ETV6: variants seen among roughly 807,000 people sequenced by gnomAD.
ETV6 encodes ETS variant transcription factor 6.
In ETV6, 16 loss-of-function variants were observed where a neutral mutation model predicts 51.1. The observed-to-expected ratio is 0.31, with a 90% CI of 0.21 to 0.48. ETV6 has a LOEUF of 0.48. Ranked by LOEUF, ETV6 falls within the 20% of genes least tolerant of loss-of-function variation. The pLI, the probability that ETV6 is intolerant of heterozygous loss-of-function variation, is 0.99. For missense variants in ETV6, 458 were observed against 594.8 expected (o/e 0.77, Z 2.39); for synonymous variants, 240 against 224.1 (o/e 1.07, Z -0.64).
intron 2 of ETV6, among the ~76,000 whole-genome samples, chr12:11,777,555 A>G (rs968081053): frequency 1.3e-5 from 2 of 152,002 alleles, no homozygotes; most frequent in Non-Finnish European, 1.5e-5. Flanking sequence ...TATTGTGTCA[A>G]AATGCAAATC....
At chr12:11,721,190 A>T (rs1240590125) in intron 1 of ETV6, among the ~76,000 whole-genome samples, 1 of 152,098 alleles carries the variant, frequency 6.6e-6, no homozygotes, top group Admixed American at 6.5e-5. Context: ...GCTACCATTC[A>T]GCCCATAAAT....
At chr12:11,844,821 A>G (rs1435368659) in intron 3 of ETV6, among the ~76,000 whole-genome samples, 1 of 151,236 alleles carries the variant, frequency 6.6e-6, no homozygotes, top group Non-Finnish European at 1.5e-5. Flanking sequence ...CTTACGTGAA[A>G]GTCATTTTAT....
chr12:11,847,989 A>G (rs990824072), intron 3 of ETV6, among the ~76,000 whole-genome samples: 2 of 152,170 alleles, frequency 1.3e-5, no homozygotes, highest in African/African-American at 4.8e-5. Flanking sequence ...TCAACTGGGG[A>G]AAAAAATTCC....
At chr12:11,792,969 A>G (rs1945624545) in intron 2 of ETV6, among the ~76,000 whole-genome samples, 1 of 152,218 alleles carries the variant, frequency 6.6e-6, no homozygotes, top group Middle Eastern at 3.4e-3. Flanking sequence ...TTAGGGGGCT[A>G]CGGGAGGGGT....
intron 1 of ETV6, among the ~76,000 whole-genome samples, chr12:11,674,886 C>T (rs1160866754): frequency 6.6e-6 from 1 of 152,082 alleles, no homozygotes. Context: ...TCCCCGCTTC[C>T]CTAAGGATGA....
chr12:11,668,143 CT>C (rs1412213339), intron 1 of ETV6, among the ~76,000 whole-genome samples: 1 of 147,294 alleles, frequency 6.8e-6, no homozygotes, highest in Non-Finnish European at 1.5e-5. Flanking sequence ...TGAGAACAGA[CT>C]TTTGAACTAC....
chr12:11,704,106 G>A (rs535485466), intron 1 of ETV6, among the ~76,000 whole-genome samples: 5 of 152,154 alleles, frequency 3.3e-5, no homozygotes, highest in East Asian at 1.9e-4. Flanking sequence ...TCATTATTTC[G>A]TCTGTCTCAC....
rs58797937 is a variant in ETV6 at position 11,735,086 on chromosome 12, C to CTTTTTT, written c.34-17343_34-17338dup. ...AAAGGTGCAAAGGTGGCAAGGTGGC[C>CTTTTTT]TTTTTTTTTTTTTTTTTTTTTTTTT... On this transcript the variant is annotated intron_variant, in intron 1 of 7. Coordinates refer to ENST00000396373, the MANE Select transcript of ETV6 (RefSeq NM_001987.5). Among the ~76,000 whole-genome samples, 38 of 76,236 alleles carry CTTTTTT rather than the reference C, an allele frequency of 5.0e-4. 6 individuals are homozygous for CTTTTTT. Among genetic ancestry groups the CTTTTTT allele is most frequent in the African/African-American group, 1.7e-3 (31 of 17,736 alleles). 50.0% of individuals were successfully genotyped at this position (76,236 alleles called of 152,430 possible).
Position 11,853,560 on chromosome 12 carries a change from A to AGGT in ETV6, c.463_463+2dup. ...TCATACTGCATCAGAACCATGAAGA[A>AGGT]GGTACTGGAAGAGGTTTCTCTTTTC... On this transcript the variant is annotated inframe_insertion and splice_region_variant, in exon 4 of 8. Transcript: ENST00000396373. 1 of 1,614,154 alleles carries AGGT rather than the reference A, an allele frequency of 6.2e-7. No homozygotes were observed. The highest frequency in any genetic ancestry group is 8.5e-7 in the Non-Finnish European group (1 of 1,180,008).
chr12:11,887,136 A>G, intron 7 of ETV6, among the ~76,000 whole-genome samples: 1 of 152,208 alleles, frequency 6.6e-6, no homozygotes, highest in East Asian at 1.9e-4. Context: ...AAAGGGAAAC[A>G]GAATAGAAGG....
At chr12:11,748,144 A>G (rs948268550) in intron 1 of ETV6, among the ~76,000 whole-genome samples, 1 of 152,208 alleles carries the variant, frequency 6.6e-6, no homozygotes, top group Non-Finnish European at 1.5e-5. Context: ...CTTCACAGTG[A>G]TGGGACACCG....
At position 11,843,745 on chromosome 12, in the gene ETV6, C is replaced by T. The variant is rs142545453; in HGVS notation, c.328+4441C>T. ...TCTTTGACCAGCTTAACAAATTTAT[C>T]GCATCTACTTCCAGGACAAGAATCC... is the stretch of plus-strand genomic sequence containing the variant. On this transcript the variant is annotated intron_variant, in intron 3 of 7. Transcript: ENST00000396373. Among the ~76,000 whole-genome samples, 647 of 152,224 alleles carry T rather than the reference C, an allele frequency of 4.3e-3. 3 individuals carry two copies. The highest frequency in any genetic ancestry group is 0.017 in the Middle Eastern group (5 of 294).
chr12:11,828,119 T>C (rs1424040488), intron 2 of ETV6, among the ~76,000 whole-genome samples: 1 of 152,200 alleles, frequency 6.6e-6, no homozygotes, highest in East Asian at 1.9e-4. Context: ...ATCAGTAAGT[T>C]TGATAATAAA....
chr12:11,757,395 A>C (rs2121090204), intron 2 of ETV6, among the ~76,000 whole-genome samples: 1 of 148,460 alleles, frequency 6.7e-6, no homozygotes, highest in Non-Finnish European at 1.5e-5. Context: ...GTAGAGCAAC[A>C]ATTTTATATG....
chr12:11,686,503 C>A (rs1864630911), intron 1 of ETV6, among the ~76,000 whole-genome samples: 2 of 152,196 alleles, frequency 1.3e-5, no homozygotes, highest in Non-Finnish European at 2.9e-5. Flanking sequence ...TGGAGTGGTA[C>A]AGAGATGCAT....
chr12:11,829,939 G>A (rs939791255), intron 2 of ETV6, among the ~76,000 whole-genome samples: 7 of 152,180 alleles, frequency 4.6e-5, no homozygotes, highest in African/African-American at 1.7e-4. Context: ...CAAGATTACA[G>A]GCAGACCCAG....
chr12:11,740,149 G>A (rs1865783153), intron 1 of ETV6, among the ~76,000 whole-genome samples: 13 of 152,198 alleles, frequency 8.5e-5, no homozygotes, highest in Admixed American at 8.5e-4. Flanking sequence ...TGCCTGCTGG[G>A]TCCTTGTACC....
intron 5 of ETV6, among the ~76,000 whole-genome samples, chr12:11,880,801 A>G (rs1018074332): frequency 6.6e-6 from 1 of 152,208 alleles, no homozygotes; most frequent in Non-Finnish European, 1.5e-5. Context: ...TGAACACACT[A>G]GAAAATCACA....
At chr12:11,695,306 T>G (rs1349749491) in intron 1 of ETV6, among the ~76,000 whole-genome samples, 1 of 152,146 alleles carries the variant, frequency 6.6e-6, no homozygotes, top group African/African-American at 2.4e-5. Flanking sequence ...ATGGAGAAAG[T>G]TGGAGCCAAG....
Sources: gnomAD v4.1 joint callset for allele counts (sites outside exome capture counted in the v4.1 genomes callset) on GRCh38, gnomAD v4.1.1 for gene constraint, MANE v1.5 for transcripts, NCBI Gene and HGNC (gene_info 2026-07-23, HGNC 2026-07-21) for gene names.